The following PRKCB variants were observed in gnomAD, a reference collection of about 807,000 sequenced individuals.
The protein encoded by PRKCB is protein kinase C beta type.
A neutral mutation model predicts 81.5 loss-of-function variants in PRKCB; 13 were observed. The observed-to-expected ratio is 0.16, with a 90% confidence interval of 0.10 to 0.25. The LOEUF (loss-of-function observed/expected upper bound fraction) is 0.25. PRKCB is among the 10% of genes least tolerant of loss of function. The pLI, the probability that PRKCB is intolerant of heterozygous loss-of-function variation, is 1.00. For missense variants in PRKCB, 509 were observed against 875.7 expected, an observed-to-expected ratio of 0.58 and a Z score of 5.29; for synonymous variants, 335 against 321.4, an observed-to-expected ratio of 1.04 and a Z score of -0.45.
At chr16:23,861,312 G>A (rs969898228) in intron 2 of PRKCB, among the ~76,000 whole-genome samples, 4 of 152,030 alleles carry the variant, frequency 2.6e-5, no homozygotes, top group African/African-American at 9.7e-5. Context: ...GGGACTACAG[G>A]CATGTCCCAC....
At chr16:23,908,870 A>C (rs1330311561) in intron 2 of PRKCB, among the ~76,000 whole-genome samples, 1 of 152,190 alleles carries the variant, frequency 6.6e-6, no homozygotes, top group Non-Finnish European at 1.5e-5. Flanking sequence ...ATAGAAAACC[A>C]AAAAATAGAG....
chr16:23,951,973 C>T (rs968531346), intron 2 of PRKCB, among the ~76,000 whole-genome samples: 1 of 152,130 alleles, frequency 6.6e-6, no homozygotes, highest in Non-Finnish European at 1.5e-5. Flanking sequence ...CCCTGGCTGT[C>T]AGACTGTGAG....
At chr16:24,073,428 C>G (rs1966139892) in intron 5 of PRKCB, among the ~76,000 whole-genome samples, 1 of 152,180 alleles carries the variant, frequency 6.6e-6, no homozygotes, top group Non-Finnish European at 1.5e-5. Context: ...GACTCCTGGG[C>G]TCAAGTGATC....
intron 2 of PRKCB, among the ~76,000 whole-genome samples, chr16:23,905,797 A>G (rs776192419): frequency 2.6e-5 from 4 of 152,018 alleles, no homozygotes; most frequent in Non-Finnish European, 5.9e-5. Context: ...TACCCACCCC[A>G]TTTTTCTTCA....
At chr16:23,838,164 C>T (rs1341533420) in intron 2 of PRKCB, among the ~76,000 whole-genome samples, 2 of 152,186 alleles carry the variant, frequency 1.3e-5, no homozygotes, top group African/African-American at 2.4e-5. Context: ...CAAAAGTTAC[C>T]CGCAGCTCTG....
intron 2 of PRKCB, among the ~76,000 whole-genome samples, chr16:23,843,325 A>G (rs9937924): frequency 0.039 from 5,956 of 152,204 alleles, 409 homozygotes; most frequent in African/African-American, 0.14. Flanking sequence ...CAGACCCCAG[A>G]GACCTGTGAG....
Position 24,189,175 on chromosome 16 carries a change from G to A in PRKCB, c.1723-1915G>A, listed in dbSNP as rs1967749935. The stretch of plus-strand genomic sequence containing the variant: ...TTAAAAGCCCAAGTTTTAGAGCTAG[G>A]CAGAGGTGGAGTCTGCACCCAGCTC... On this transcript the variant is annotated intron_variant, in intron 15 of 16. Transcript: ENST00000643927. 2.6e-5 allele frequency among the ~76,000 whole-genome samples: 4 copies of A among 152,160 alleles called. 1 individual carries two copies. Among genetic ancestry groups the A allele is most frequent in the South Asian group, 4.1e-4 (2 of 4,822 alleles).
At chr16:24,162,247 C>G (rs751250114) in intron 10 of PRKCB, among the ~76,000 whole-genome samples, 48 of 151,970 alleles carry the variant, frequency 3.2e-4, no homozygotes, top group Non-Finnish European at 5.1e-4. Flanking sequence ...CCGAGAATGT[C>G]CCAGGGGTCC....
intron 5 of PRKCB, 103 bp from the exon 6 acceptor site, chr16:24,092,688 A>C: frequency 8.8e-7 from 1 of 1,134,350 alleles, no homozygotes; most frequent in Non-Finnish European, 1.3e-6. Context: ...CTCACTAAAC[A>C]AGTGTGATGC....
chr16:24,164,090 A>G (rs898516122), intron 10 of PRKCB, among the ~76,000 whole-genome samples: 1 of 152,250 alleles, frequency 6.6e-6, no homozygotes, highest in African/African-American at 2.4e-5. Flanking sequence ...CATGGTACAT[A>G]GAGCTGCCCA....
At chr16:23,850,081 T>C (rs1202215571) in intron 2 of PRKCB, among the ~76,000 whole-genome samples, 5 of 152,226 alleles carry the variant, frequency 3.3e-5, no homozygotes, top group African/African-American at 9.6e-5. Context: ...TGTCTCTGTG[T>C]TTCTGGCTTA....
intron 2 of PRKCB, among the ~76,000 whole-genome samples, chr16:23,981,366 G>A (rs1430230882): frequency 3.2e-4 from 49 of 151,800 alleles, no homozygotes; most frequent in Admixed American, 3.1e-3. Flanking sequence ...ATCACACTGG[G>A]CTCATCCAGA....
At chr16:24,207,168 G>A (rs974326880) in intron 16 of PRKCB, among the ~76,000 whole-genome samples, 10 of 152,170 alleles carry the variant, frequency 6.6e-5, no homozygotes, top group Non-Finnish European at 5.9e-5. Flanking sequence ...AGCCTCAAGC[G>A]ATCCTCCTGC....
rs1016918004 is a variant in PRKCB at position 24,172,274 on chromosome 16, G to A, written c.1244G>A (p.Arg415His). The change falls in exon 11 of 17, where the codon CGC becomes CAC. Residue 415 changes from arginine to histidine, a missense_variant. This residue lies in a region of PRKCB where 106 missense variants were observed against 214.0 expected (regional missense o/e 0.50). Coordinates refer to ENST00000643927, the MANE Select transcript of PRKCB (RefSeq NM_002738.7). ...QLHSCFQTMD[R>H]LYFVMEYVNG... Reference sequence around the variant, plus strand: ...CTGTTTGCTGTCCTCTTCCAGGACCGCCTGTACTTTGTGATGGAGTACGTG... The same window carrying A: ...CTGTTTGCTGTCCTCTTCCAGGACCACCTGTACTTTGTGATGGAGTACGTG... The A allele has an allele frequency of 1.4e-5, 22 of 1,613,490 alleles. No homozygotes were observed. In the Admixed American group the frequency reaches 2.0e-4, roughly 15 times the overall value.
chr16:24,121,101 G>A (rs1175714149), intron 8 of PRKCB, among the ~76,000 whole-genome samples: 1 of 152,156 alleles, frequency 6.6e-6, no homozygotes, highest in East Asian at 1.9e-4. Context: ...TCTGCCTCCT[G>A]TGCCATATCT....
At chr16:23,896,430 G>A (rs1395046384) in intron 2 of PRKCB, among the ~76,000 whole-genome samples, 3 of 152,028 alleles carry the variant, frequency 2.0e-5, no homozygotes, top group Non-Finnish European at 4.4e-5. Flanking sequence ...ATGTAAACCT[G>A]GTCTGTGTCT....
intron 2 of PRKCB, chr16:23,893,378 A>G (rs1314650815): frequency 1.3e-5 from 2 of 152,198 alleles, no homozygotes; most frequent in Admixed American, 6.5e-5. Context: ...CACCATGCTT[A>G]GGCTGGTTTA....
chr16:24,057,616 G>GA (rs1965921174), intron 5 of PRKCB, among the ~76,000 whole-genome samples: 1 of 152,186 alleles, frequency 6.6e-6, no homozygotes, highest in Non-Finnish European at 1.5e-5. Context: ...TAAAAGGGGG[G>GA]ATTGGTGAAG....
rs570691731 is a variant in PRKCB, at chr16:24,067,590, C to T, written c.530-25201C>T. 2.6e-5 allele frequency among the ~76,000 whole-genome samples: 4 copies of T among 152,288 alleles called. No homozygotes were observed. The East Asian group carries it at 5.8e-4, about 22-fold the overall frequency. On this transcript the variant is annotated intron_variant, in intron 5 of 16. Transcript: ENST00000643927. ...CTGAGATTACAGGCATGCATCACCA[C>T]GCCTAGGTGTTTTTTGCTTCTGGTC...
Sources: gnomAD v4.1 joint callset for allele counts (sites outside exome capture counted in the v4.1 genomes callset) on GRCh38, gnomAD v4.1.1 for gene constraint, gnomAD v4.1.1 regional missense constraint, MANE v1.5 for transcripts, NCBI Gene and HGNC (gene_info 2026-07-23, HGNC 2026-07-21) for gene names.